Variants in NOS1AP observed in about 807,000 individuals in gnomAD.
NOS1AP encodes carboxyl-terminal PDZ ligand of neuronal nitric oxide synthase protein.
Under a neutral mutation model 56.2 loss-of-function variants are expected in NOS1AP, and 21 were observed. That is an observed-to-expected ratio of 0.37 (90% CI 0.26 to 0.54). The LOEUF is 0.54. Ranked by LOEUF, NOS1AP falls within the 20% of genes least tolerant of loss-of-function variation. NOS1AP has a pLI of 0.84. For synonymous variants in NOS1AP, 270 were observed against 274.6 expected, an observed-to-expected ratio of 0.98 and a Z score of 0.17; for missense variants, 522 against 657.8, an observed-to-expected ratio of 0.79 and a Z score of 2.26.
intron 2 of NOS1AP, among the ~76,000 whole-genome samples, chr1:162,168,151 G>A (rs1249508525): frequency 6.6e-6 from 1 of 152,194 alleles, no homozygotes; most frequent in Non-Finnish European, 1.5e-5. Context: ...GGTCACATAG[G>A]CAATGAATGG....
chr1:162,333,206 G>T, intron 5 of NOS1AP, 81 bp downstream of exon 5: 1 of 917,590 alleles, frequency 1.1e-6, no homozygotes. Context: ...TCTCCCTGTT[G>T]AAGACAGCTG....
chr1:162,186,049 A>G (rs1439419650), intron 2 of NOS1AP, among the ~76,000 whole-genome samples: 1 of 152,216 alleles, frequency 6.6e-6, no homozygotes, highest in African/African-American at 2.4e-5. Flanking sequence ...ACTTTTGTTT[A>G]CTTATATATT....
chr1:162,234,242 G>A (rs934417284), intron 2 of NOS1AP, among the ~76,000 whole-genome samples: 2 of 152,182 alleles, frequency 1.3e-5, no homozygotes, highest in African/African-American at 4.8e-5. Flanking sequence ...GCAGTGAGAA[G>A]CAGAGCTAGT....
intron 1 of NOS1AP, among the ~76,000 whole-genome samples, chr1:162,082,006 G>A (rs1161768729): frequency 6.6e-6 from 1 of 151,364 alleles, no homozygotes; most frequent in Non-Finnish European, 1.5e-5. Flanking sequence ...GAGTCATGGG[G>A]GTTTGTTGTA....
intron 2 of NOS1AP, among the ~76,000 whole-genome samples, chr1:162,209,657 G>A (rs530045245): frequency 3.9e-4 from 60 of 152,292 alleles, no homozygotes; most frequent in African/African-American, 1.4e-3. Context: ...AAATACTCAT[G>A]GAAGAGAAAT....
chr1:162,275,102 G>T (rs980686085), intron 2 of NOS1AP, among the ~76,000 whole-genome samples: 2 of 152,058 alleles, frequency 1.3e-5, no homozygotes, highest in Non-Finnish European at 2.9e-5. Flanking sequence ...ATTTTTTATG[G>T]ATCATGCTTT....
intron 4 of NOS1AP, among the ~76,000 whole-genome samples, chr1:162,301,358 T>C (rs992509068): frequency 6.6e-6 from 1 of 152,182 alleles, no homozygotes; most frequent in East Asian, 1.9e-4. Flanking sequence ...GTCCTTCCCC[T>C]ATGGGAAGAC....
At chr1:162,091,711 A>G (rs1012933251) in intron 1 of NOS1AP, among the ~76,000 whole-genome samples, 1 of 152,206 alleles carries the variant, frequency 6.6e-6, no homozygotes, top group Non-Finnish European at 1.5e-5. Context: ...CAACATGTTG[A>G]TGAACAGCTA....
At chr1:162,104,677 C>T (rs577052882) in intron 1 of NOS1AP, among the ~76,000 whole-genome samples, 9 of 152,160 alleles carry the variant, frequency 5.9e-5, no homozygotes, top group Admixed American at 2.0e-4. Context: ...GAGATTCTTT[C>T]TTTCACTTGG....
chr1:162,135,614 T>A (rs1648962934), intron 1 of NOS1AP, among the ~76,000 whole-genome samples: 1 of 152,080 alleles, frequency 6.6e-6, no homozygotes, highest in African/African-American at 2.4e-5. Flanking sequence ...CAGACCCAGG[T>A]TTGCGTTGTA....
intron 3 of NOS1AP, among the ~76,000 whole-genome samples, chr1:162,297,374 A>C (rs925345539): frequency 6.6e-6 from 1 of 152,204 alleles, no homozygotes; most frequent in Non-Finnish European, 1.5e-5. Context: ...CCAAGTGTTT[A>C]TGCCACCGCA....
chr1:162,224,957 G>A (rs938359155), intron 2 of NOS1AP, among the ~76,000 whole-genome samples: 1 of 152,190 alleles, frequency 6.6e-6, no homozygotes, highest in Non-Finnish European at 1.5e-5. Flanking sequence ...AAAGAAGTGA[G>A]CATTGAAAAA....
chr1:162,311,855 A>C (rs1571210443), intron 4 of NOS1AP, among the ~76,000 whole-genome samples: 1 of 140,908 alleles, frequency 7.1e-6, no homozygotes, highest in East Asian at 2.1e-4. Context: ...TTCTTGCGAT[A>C]GTTTACTGAG....
At chr1:162,115,760 G>T (rs747160287) in intron 1 of NOS1AP, among the ~76,000 whole-genome samples, 1 of 152,186 alleles carries the variant, frequency 6.6e-6, no homozygotes, top group Non-Finnish European at 1.5e-5. Flanking sequence ...AAAACTAGAG[G>T]CAGGGAGGAG....
chr1:162,094,966 C>G (rs960250125), intron 1 of NOS1AP, among the ~76,000 whole-genome samples: 2 of 152,206 alleles, frequency 1.3e-5, no homozygotes, highest in African/African-American at 4.8e-5. Context: ...GGTGGAGCAG[C>G]TGGCTTTAAG....
chr1:162,084,094 T>C (rs1433943990), intron 1 of NOS1AP, among the ~76,000 whole-genome samples: 1 of 152,244 alleles, frequency 6.6e-6, no homozygotes, highest in Admixed American at 6.5e-5. Context: ...ATATTCATAA[T>C]TGCTTGTTGA....
chr1:162,087,333 G>GTCTGAA (rs1202491157), intron 1 of NOS1AP, among the ~76,000 whole-genome samples: 1 of 152,160 alleles, frequency 6.6e-6, no homozygotes, highest in African/African-American at 2.4e-5. Flanking sequence ...TTCTAGGGCA[G>GTCTGAA]TCTGAATGCA....
At chr1:162,138,060 T>A (rs562929886) in intron 1 of NOS1AP, among the ~76,000 whole-genome samples, 84 of 152,326 alleles carry the variant, frequency 5.5e-4, no homozygotes, top group South Asian at 1.9e-3. Flanking sequence ...CACCTTTTTT[T>A]AAAAATGCAT....
At chr1:162,262,740 T>A (rs993949062) in intron 2 of NOS1AP, among the ~76,000 whole-genome samples, 4 of 152,196 alleles carry the variant, frequency 2.6e-5, no homozygotes, top group African/African-American at 9.6e-5. Context: ...GCCAACTAAG[T>A]GCAAAGCATT....
Sources: allele counts gnomAD v4.1 joint callset (sites outside exome capture counted in the v4.1 genomes callset), GRCh38; gene constraint gnomAD v4.1.1; transcripts MANE v1.5; gene names NCBI Gene and HGNC (gene_info 2026-07-23, HGNC 2026-07-21).